The following PLXDC1 variants were observed in gnomAD, a reference collection of about 807,000 sequenced individuals.
PLXDC1 encodes plexin domain-containing protein 1.
In PLXDC1, 39 loss-of-function variants were observed where a neutral mutation model predicts 61.3. The observed-to-expected ratio is 0.64, with a 90% CI of 0.49 to 0.83. The LOEUF (loss-of-function observed/expected upper bound fraction) is 0.83. PLXDC1 is among the 40% of genes least tolerant of loss of function. The pLI is 0.00. For synonymous variants in PLXDC1, 212 were observed against 254.5 expected, an observed-to-expected ratio of 0.83 and a Z score of 1.59; for missense variants, 596 against 666.5, an observed-to-expected ratio of 0.89 and a Z score of 1.17.
intron 7 of PLXDC1, among the ~76,000 whole-genome samples, chr17:39,091,979 AAAAT>A (rs1479958793): frequency 5.5e-5 from 8 of 146,404 alleles, no homozygotes; most frequent in Non-Finnish European, 3.0e-5. Context: ...AAAAAAAAAA[AAAAT>A]CAAGTTGTCT....
chr17:39,092,110 GCT>G (rs1382456642), intron 7 of PLXDC1, among the ~76,000 whole-genome samples: 1 of 151,824 alleles, frequency 6.6e-6, no homozygotes, highest in African/African-American at 2.4e-5. Context: ...ACAGGGTCTC[GCT>G]CTGTCACCCA....
Position 39,077,975 on chromosome 17 carries a change from G to T in PLXDC1, c.1124C>A (p.Pro375His), listed in dbSNP as rs1909406952. The T allele has an allele frequency of 1.2e-6, 2 of 1,613,688 alleles. No homozygotes were observed. Among genetic ancestry groups the T allele is most frequent in the African/African-American group, 2.7e-5 (2 of 74,912 alleles). The change falls in exon 11 of 14, where the codon CCC becomes CAC. Residue 375 changes from proline to histidine, a missense_variant. Transcript: ENST00000315392. Reference protein sequence around the residue: ...DSASPDTSFSPYDGDLTTTSS... With the variant: ...DSASPDTSFSHYDGDLTTTSS... ...GGTAGTGGTGAGGTCTCCATCATAG[G>T]GGCTGAAGGAAGTGTCAGGGGAGGC...
chr17:39,134,210 T>C (rs1255980409), intron 2 of PLXDC1, among the ~76,000 whole-genome samples: 26 of 149,084 alleles, frequency 1.7e-4, no homozygotes, highest in Admixed American at 3.4e-4. Flanking sequence ...ACCGAGATCG[T>C]GCCACTGCAC....
Position 39,128,147 on chromosome 17 carries a change from A to ATG in PLXDC1, c.255+11505_255+11506dup, listed in dbSNP as rs200932794. On this transcript the variant is annotated intron_variant, in intron 2 of 13. Transcript: ENST00000315392. ...TATATGTGTATATATATGTATATAT[A>ATG]TGTGTGTATATATATGTATATATAT... Among the ~76,000 whole-genome samples, 25 of 85,018 alleles carry ATG rather than the reference A, an allele frequency of 2.9e-4. 2 individuals carry two copies. Among genetic ancestry groups the ATG allele is most frequent in the Non-Finnish European group, 1.6e-4 (7 of 44,326 alleles). 55.8% of individuals were successfully genotyped at this position (85,018 alleles called of 152,430 possible).
At chr17:39,101,513 G>T (rs1274724595) in intron 7 of PLXDC1, among the ~76,000 whole-genome samples, 5 of 152,154 alleles carry the variant, frequency 3.3e-5, no homozygotes, top group African/African-American at 9.7e-5. Context: ...AGGGTGAGGT[G>T]CGAGCCCCAC....
At chr17:39,091,063 G>A (rs1909931710) in intron 7 of PLXDC1, among the ~76,000 whole-genome samples, 1 of 152,162 alleles carries the variant, frequency 6.6e-6, no homozygotes, top group Non-Finnish European at 1.5e-5. Flanking sequence ...CTCTTCTGCT[G>A]CCCCCACAGT....
chr17:39,073,343 C>T (rs1016854574), intron 11 of PLXDC1: 2 of 152,220 alleles, frequency 1.3e-5, no homozygotes, highest in African/African-American at 4.8e-5. Context: ...GGTATTTAAA[C>T]ACAACTTTGA....
chr17:39,112,110 G>A lies in PLXDC1; in HGVS notation c.256-2719C>T, dbSNP rs189213645. Reference sequence around the variant, plus strand: ...ATCACCCATCAAGAAACAAAGCTCCGTGCGTGGCACTCTGTGCAGAGAGAT... The same window carrying A: ...ATCACCCATCAAGAAACAAAGCTCCATGCGTGGCACTCTGTGCAGAGAGAT... On this transcript the variant is annotated intron_variant, in intron 2 of 13. Coordinates refer to ENST00000315392, the MANE Select transcript of PLXDC1 (RefSeq NM_020405.5). 436 of 152,158 alleles carry A rather than the reference G, an allele frequency of 2.9e-3. 1 individual carries two copies. Among genetic ancestry groups the A allele is most frequent in the Middle Eastern group, 6.8e-3 (2 of 294 alleles). 9.4% of individuals were successfully genotyped at this position (152,158 alleles called of 1,614,324 possible).
At chr17:39,084,937 C>T (rs751785506) in intron 8 of PLXDC1, among the ~76,000 whole-genome samples, 3 of 152,156 alleles carry the variant, frequency 2.0e-5, no homozygotes, top group African/African-American at 7.2e-5. Context: ...TCACAAAGCC[C>T]GTATATTTGA....
At chr17:39,086,637 G>A (rs1909749363) in intron 8 of PLXDC1, among the ~76,000 whole-genome samples, 1 of 152,056 alleles carries the variant, frequency 6.6e-6, no homozygotes, top group Non-Finnish European at 1.5e-5. Flanking sequence ...CGAGGTGGGT[G>A]GATCACTTGA....
intron 11 of PLXDC1, among the ~76,000 whole-genome samples, chr17:39,077,240 A>AT (rs1567754072): frequency 6.6e-6 from 1 of 152,152 alleles, no homozygotes; most frequent in East Asian, 1.9e-4. Flanking sequence ...TGGAGGGGGC[A>AT]TGGGAGAAAG....
intron 7 of PLXDC1, among the ~76,000 whole-genome samples, chr17:39,097,346 C>A (rs1910245785): frequency 6.6e-6 from 1 of 152,198 alleles, no homozygotes; most frequent in Non-Finnish European, 1.5e-5. Flanking sequence ...TCTTCCTGAA[C>A]TTCTGTTTCC....
Position 39,138,607 on chromosome 17 carries a change from A to T in PLXDC1, c.255+1047T>A, listed in dbSNP as rs148736144. 5.3e-5 allele frequency among the ~76,000 whole-genome samples: 8 copies of T among 152,236 alleles called. No individual in the cohort carries two copies. The East Asian group carries it at 1.5e-3, about 29-fold the overall frequency. On this transcript the variant is annotated intron_variant, in intron 2 of 13. Transcript: ENST00000315392. ...GCAAATCCCTTGGAAATATGGAAGTAAACTCCAGAGGAAACAGCCCAGACA... is the reference window on the plus strand; with the variant it reads ...GCAAATCCCTTGGAAATATGGAAGTTAACTCCAGAGGAAACAGCCCAGACA...
intron 2 of PLXDC1, among the ~76,000 whole-genome samples, chr17:39,139,228 G>A (rs1053026610): frequency 6.6e-6 from 1 of 152,170 alleles, no homozygotes; most frequent in East Asian, 1.9e-4. Context: ...CAGCCCTTAG[G>A]CTAAGCAGCC....
chr17:39,070,724 TC>T (rs1308868188), intron 12 of PLXDC1, among the ~76,000 whole-genome samples: 4 of 152,212 alleles, frequency 2.6e-5, no homozygotes, highest in African/African-American at 7.2e-5. Context: ...ACCCCTGTAA[TC>T]CCAGCACTTT....
intron 2 of PLXDC1, among the ~76,000 whole-genome samples, chr17:39,116,098 A>G (rs1392244787): frequency 6.6e-6 from 1 of 152,198 alleles, no homozygotes; most frequent in African/African-American, 2.4e-5. Flanking sequence ...AGCCTGGGTG[A>G]CACAGTGAGA....
intron 2 of PLXDC1, among the ~76,000 whole-genome samples, chr17:39,122,419 C>G (rs1396096457): frequency 6.7e-6 from 1 of 149,342 alleles, no homozygotes; most frequent in Admixed American, 6.7e-5. Flanking sequence ...GGGGTGCCCT[C>G]TCTCTGCCTG....
intron 4 of PLXDC1, chr17:39,108,663 C>T (rs1910682941): frequency 8.8e-6 from 5 of 565,996 alleles, no homozygotes; most frequent in Non-Finnish European, 1.6e-5. Flanking sequence ...GGGCTGTCCA[C>T]ACTGACTCGT....
chr17:39,141,338 CTA>C (rs899782622), intron 1 of PLXDC1, among the ~76,000 whole-genome samples: 3 of 152,182 alleles, frequency 2.0e-5, no homozygotes, highest in African/African-American at 7.2e-5. Context: ...CAGCCTGTAT[CTA>C]TGATTTTGAC....
Sources: allele counts gnomAD v4.1 joint callset (sites outside exome capture counted in the v4.1 genomes callset), GRCh38; gene constraint gnomAD v4.1.1; transcripts MANE v1.5; gene names NCBI Gene and HGNC (gene_info 2026-07-23, HGNC 2026-07-21).